IL17RC: variants seen among roughly 807,000 people sequenced by gnomAD.
IL17RC encodes interleukin-17 receptor C.
Under a neutral mutation model 86.7 loss-of-function variants are expected in IL17RC, and 53 were observed. That is an observed-to-expected ratio of 0.61 (90% CI 0.49 to 0.77). The LOEUF is 0.77. Among genes scored for constraint, IL17RC ranks in the 30% least tolerant of loss-of-function variants. The probability of loss-of-function intolerance (pLI) is 0.00; values close to 1 mark genes in which losing one functional copy is unlikely to be tolerated. For synonymous variants in IL17RC, 439 were observed against 413.1 expected (o/e 1.06, Z -0.76); for missense variants, 957 against 940.0 (o/e 1.02, Z -0.24).
chr3:9,920,825 A>T, intron 6 of IL17RC, 100 bp from the exon 7 acceptor site: 1 of 895,254 alleles, frequency 1.1e-6, no homozygotes, highest in Non-Finnish European at 1.7e-6. Flanking sequence ...TATGTAGGGG[A>T]TGGGGAGCCA....
rs1359530980 is a variant in IL17RC at position 9,933,112 on chromosome 3, C to T, written c.1682C>T (p.Ala561Val). Residue 561 changes from alanine to valine, a missense_variant, in exon 19 of 19, where the codon GCT becomes GTT. Physicochemically the swap from Ala to Val is moderately conservative, Grantham distance 64 (BLOSUM62 0). Transcript: ENST00000403601. ...RRELSAQGPV[A>V]WFHAQRRQTL... ...GAACTGAGCGCGCAGGGGCCCGTGG[C>T]TTGGTTTCACGCGCAGCGGCGCCAG... The T allele has an allele frequency of 6.3e-7, 1 of 1,581,708 alleles. No individual in the cohort carries two copies. Among genetic ancestry groups the T allele is most frequent in the East Asian group, 2.2e-5 (1 of 44,492 alleles).
chr3:9,928,256 TGCGA>T (rs779008645), intron 10 of IL17RC, 36 bp downstream of exon 10: 1 of 1,611,448 alleles, frequency 6.2e-7, no homozygotes, highest in Admixed American at 1.7e-5. Context: ...GTTGGGGTGT[TGCGA>T]GCGATGGGTA....
Position 9,930,174 on chromosome 3 carries a change from A to G in IL17RC, c.1278+25A>G, listed in dbSNP as rs938629735. On this transcript the variant is annotated intron_variant, in intron 14 of 18. Coordinates refer to ENST00000403601, the MANE Select transcript of IL17RC (RefSeq NM_153460.4). The surrounding 1 kb of genome is among the most constrained non-coding windows in gnomAD (Gnocchi z 5.8). The stretch of plus-strand genomic sequence containing the variant: ...GGTTAGGACTGGGCGACCCTCCTCC[A>G]CAGATCTCTCCAAATGCATCTCACA... 3 of 1,613,084 alleles carry G rather than the reference A, an allele frequency of 1.9e-6. No individual in the cohort carries two copies.
At chr3:9,924,126 A>G in intron 8 of IL17RC, 106 bp downstream of exon 8, 1 of 1,608,964 alleles carries the variant, frequency 6.2e-7, no homozygotes, top group Non-Finnish European at 8.5e-7. Context: ...CACCCCAAGC[A>G]AGGGAAAATT....
chr3:9,924,299 C>T lies in IL17RC; in HGVS notation c.822+8C>T, dbSNP rs1476347699. On this transcript the variant is annotated splice_region_variant and intron_variant, in intron 9 of 18. Coordinates refer to ENST00000403601, the MANE Select transcript of IL17RC (RefSeq NM_153460.4). ...CCCTGCCTCTGTATTCAGGTAGGAG[C>T]AGAGTCTAGCTGGGTGCCAGAAGAG... 2 of 1,613,190 alleles carry T rather than the reference C, an allele frequency of 1.2e-6. No homozygotes were observed. The highest frequency in any genetic ancestry group is 2.2e-5 in the East Asian group (1 of 44,892).
chr3:9,925,661 A>T (rs1188021367), intron 9 of IL17RC, among the ~76,000 whole-genome samples: 1 of 151,822 alleles, frequency 6.6e-6, no homozygotes, highest in Admixed American at 6.6e-5. Flanking sequence ...CTTCATGAGA[A>T]CATTGTTACA....
intron 12 of IL17RC, 72 bp downstream of exon 12, chr3:9,928,702 T>G: frequency 4.7e-6 from 7 of 1,501,672 alleles, no homozygotes; most frequent in Non-Finnish European, 6.4e-6. Context: ...GGGGTCTTAG[T>G]TCTTGGGCCG....
At chr3:9,924,492 T>G (rs2083882847) in intron 9 of IL17RC, among the ~76,000 whole-genome samples, 1 of 152,180 alleles carries the variant, frequency 6.6e-6, no homozygotes, top group Non-Finnish European at 1.5e-5. Context: ...TCCCTGATCC[T>G]CCACAGAACT....
Position 9,917,157 on chromosome 3 carries a change from T to C in IL17RC, c.-159T>C. The C allele has an allele frequency of 1.6e-6, 1 of 616,340 alleles. No homozygotes were observed. Among genetic ancestry groups the C allele is most frequent in the East Asian group, 2.8e-5 (1 of 36,336 alleles). 38.2% of individuals were successfully genotyped at this position (616,340 alleles called of 1,614,324 possible). A position where few individuals can be genotyped will look rare whatever the true frequency, so the allele number is the denominator to read the frequency against. Reference sequence around the variant, plus strand: ...GAGTCAGGACTCCCAGGACAGAGAGTGCACAAACTACCCAGCACAGCCCCC... The same window carrying C: ...GAGTCAGGACTCCCAGGACAGAGAGCGCACAAACTACCCAGCACAGCCCCC... On this transcript the variant is annotated 5_prime_UTR_variant, in exon 1 of 19. Coordinates refer to ENST00000403601, the MANE Select transcript of IL17RC (RefSeq NM_153460.4).
chr3:9,930,527 T>A lies in IL17RC; in HGVS notation c.1338+68T>A. The A allele has an allele frequency of 6.9e-7, 1 of 1,445,490 alleles. No homozygotes were observed. The highest frequency in any genetic ancestry group is 9.7e-7 in the Non-Finnish European group (1 of 1,034,648). The allele number at this position is 1,445,490 out of a possible 1,614,324, so 89.5% of individuals were successfully genotyped here. A position where few individuals can be genotyped will look rare whatever the true frequency, so the allele number is the denominator to read the frequency against. ...AACAGGCCTAAAACTAGCACTCACC[T>A]ACTGTCTATTTAGGCTTATTTTATG... On this transcript the variant is annotated intron_variant, in intron 15 of 18. Transcript: ENST00000403601. The surrounding 1 kb of genome is among the most constrained non-coding windows in gnomAD (Gnocchi z 5.8).
chr3:9,928,764 T>C, intron 12 of IL17RC, 134 bp downstream of exon 12: 1 of 868,536 alleles, frequency 1.2e-6, no homozygotes, highest in Non-Finnish European at 1.9e-6. Context: ...CTGCCTACTT[T>C]AGTAGTGCGC....
In IL17RC at chr3:9,919,416, G is replaced by A. The variant is rs1475600781; in HGVS notation, c.465+807G>A. 4.6e-5 allele frequency among the ~76,000 whole-genome samples: 7 copies of A among 152,122 alleles called. No individual in the cohort carries two copies. The East Asian group carries it at 7.7e-4, about 17-fold the overall frequency. ...TCCCAGCACTTTGGGAGGCTGAGGCGGGCAGATCACGAAGTCAGGAGATTG... is the reference window on the plus strand; with the variant it reads ...TCCCAGCACTTTGGGAGGCTGAGGCAGGCAGATCACGAAGTCAGGAGATTG... On this transcript the variant is annotated intron_variant, in intron 5 of 18. Coordinates refer to ENST00000403601, the MANE Select transcript of IL17RC (RefSeq NM_153460.4).
chr3:9,933,086 T>G lies in IL17RC; in HGVS notation c.1656T>G (p.Arg552=). 6.4e-7 allele frequency: 1 copy of G among 1,568,078 alleles called. No homozygotes were observed. The highest frequency in any genetic ancestry group is 8.6e-7 in the Non-Finnish European group (1 of 1,163,930). The change falls in exon 19 of 19, where the codon CGT becomes CGG. Residue 552 remains arginine (R), a synonymous_variant. Coordinates refer to ENST00000403601, the MANE Select transcript of IL17RC (RefSeq NM_153460.4). The part of the protein sequence containing the change: ...LRVAVDLWSR[R]ELSAQGPVAW... ...TGGCCGTAGACCTGTGGAGCCGTCG[T>G]GAACTGAGCGCGCAGGGGCCCGTGG...
rs2084549270 is a variant in IL17RC, at chr3:9,930,447, CCAGTGTCTG to C, written c.1330_1338del (p.Cys444_Gln446del). On this transcript the variant is annotated inframe_deletion, in exon 15 of 19. Coordinates refer to ENST00000403601, the MANE Select transcript of IL17RC (RefSeq NM_153460.4). The surrounding 1 kb of genome is among the most constrained non-coding windows in gnomAD (Gnocchi z 5.8). Reference sequence around the variant, plus strand: ...ACTTACTACAAGACCTGCAGTCAGGCCAGTGTCTGCAGGTGAGCTGGTGGAAGAAGGGCC... The same window carrying C: ...ACTTACTACAAGACCTGCAGTCAGGCCAGGTGAGCTGGTGGAAGAAGGGCC... 7 of 1,613,858 alleles carry C rather than the reference CCAGTGTCTG, an allele frequency of 4.3e-6. No homozygotes were observed. Among genetic ancestry groups the C allele is most frequent in the Non-Finnish European group, 5.1e-6 (6 of 1,179,980 alleles).
At chr3:9,918,689 C>A in intron 5 of IL17RC, 80 bp downstream of exon 5, 1 of 969,594 alleles carries the variant, frequency 1.0e-6, no homozygotes, top group Non-Finnish European at 1.6e-6. Context: ...TTGAGGATTA[C>A]AAAAGAATTA....
chr3:9,928,509 C>A lies in IL17RC; in HGVS notation c.1059+23C>A, dbSNP rs201265369. The A allele has an allele frequency of 1.0e-4, 164 of 1,613,588 alleles. No individual in the cohort carries two copies. The East Asian group carries it at 3.2e-3, about 32-fold the overall frequency. ...GACGTAAGTGAAGCAGAGGGCACCT[C>A]CCGTGGTGAGGGGAGAGTGGGGAAC... On this transcript the variant is annotated intron_variant, in intron 11 of 18. Transcript: ENST00000403601.
At chr3:9,927,629 G>T (rs1054160666) in intron 9 of IL17RC, among the ~76,000 whole-genome samples, 1 of 151,826 alleles carries the variant, frequency 6.6e-6, no homozygotes, top group Non-Finnish European at 1.5e-5. Flanking sequence ...AAGACACAAT[G>T]GTAGGCACTC....
At position 9,920,568 on chromosome 3, in the gene IL17RC, C is replaced by T. The variant is rs548505311; in HGVS notation, c.543C>T (p.Tyr181=). The change falls in exon 6 of 19, where the codon TAC becomes TAT. Residue 181 remains tyrosine, a synonymous_variant. Coordinates refer to ENST00000403601, the MANE Select transcript of IL17RC (RefSeq NM_153460.4). ...VRIWSYTQPR[Y]EKELNHTQQL... ...TCTGGTCCTATACTCAGCCCAGGTA[C>T]GAGAAGGAACTCAACCACACACAGC... is the stretch of plus-strand genomic sequence containing the variant. 50 of 1,607,794 alleles carry T rather than the reference C, an allele frequency of 3.1e-5. No homozygotes were observed. The South Asian group carries it at 3.6e-4, about 11-fold the overall frequency.
At chr3:9,928,708 G>C in intron 12 of IL17RC, 78 bp downstream of exon 12, 1 of 1,466,762 alleles carries the variant, frequency 6.8e-7, no homozygotes. Context: ...TTAGTTCTTG[G>C]GCCGCTAAAG....
Sources: gnomAD v4.1 joint callset for allele counts (sites outside exome capture counted in the v4.1 genomes callset) on GRCh38, gnomAD v4.1.1 for gene constraint, Gnocchi (gnomAD v3.1) non-coding constraint, MANE v1.5 for transcripts, NCBI Gene and HGNC (gene_info 2026-07-23, HGNC 2026-07-21) for gene names.